LRIG3: variants seen among roughly 807,000 people sequenced by gnomAD.
The protein encoded by LRIG3 is leucine rich repeats and immunoglobulin like domains 3.
A neutral mutation model predicts 114.5 loss-of-function variants in LRIG3; 76 were observed. The ratio of observed to expected loss-of-function variants is 0.66; its 90% CI spans 0.55 to 0.80. The LOEUF (loss-of-function observed/expected upper bound fraction) is 0.80, where lower values mean the gene tolerates loss of function less well. Among genes scored for constraint, LRIG3 ranks in the 30% least tolerant of loss-of-function variants. The pLI is 0.00. For synonymous variants in LRIG3, 512 were observed against 519.8 expected (o/e 0.98, Z 0.20); for missense variants, 1,239 against 1,382.8 (o/e 0.90, Z 1.65).
intron 3 of LRIG3, among the ~76,000 whole-genome samples, chr12:58,912,368 C>T (rs970559437): frequency 5.9e-5 from 9 of 152,056 alleles, no homozygotes; most frequent in East Asian, 1.9e-4. Flanking sequence ...TAGTGGCGGA[C>T]GCCTGTAGTC....
intron 3 of LRIG3, among the ~76,000 whole-genome samples, chr12:58,898,859 A>G (rs559239826): frequency 4.3e-4 from 65 of 151,706 alleles, no homozygotes; most frequent in Middle Eastern, 3.4e-3. Context: ...GAGTTTCACC[A>G]TGTTGGCCAG....
intron 3 of LRIG3, 54 bp from the exon 4 acceptor site, chr12:58,890,850 G>A: frequency 6.5e-7 from 1 of 1,533,350 alleles, no homozygotes; most frequent in South Asian, 1.3e-5. Context: ...CAATCTGAAA[G>A]AAGAAAAATA....
rs558860963 is a variant in LRIG3 at position 58,881,085 on chromosome 12, C to T, written c.1481-184G>A. Among the ~76,000 whole-genome samples the T allele has an allele frequency of 8.5e-5, 13 of 152,316 alleles. No individual in the cohort carries two copies. In the South Asian group the frequency reaches 2.7e-3, roughly 32 times the overall value. Reference sequence around the variant, plus strand: ...CACTGGGAGAGTATTTATAAAGTAACTCATTCATCTCGAATACAGATGCAG... The same window carrying T: ...CACTGGGAGAGTATTTATAAAGTAATTCATTCATCTCGAATACAGATGCAG... On this transcript the variant is annotated intron_variant, in intron 12 of 18. Coordinates refer to ENST00000320743, the MANE Select transcript of LRIG3 (RefSeq NM_153377.5).
chr12:58,873,258 T>A (rs1870797518), intron 18 of LRIG3, among the ~76,000 whole-genome samples: 1 of 152,216 alleles, frequency 6.6e-6, no homozygotes, highest in Admixed American at 6.5e-5. Flanking sequence ...TGTAGCCAAA[T>A]ATTACTCAAT....
intron 3 of LRIG3, among the ~76,000 whole-genome samples, chr12:58,893,051 C>G (rs562872227): frequency 7.1e-4 from 108 of 152,318 alleles, no homozygotes; most frequent in African/African-American, 2.3e-3. Flanking sequence ...TGCCCCAGAA[C>G]AGAGGCCCTC....
chr12:58,885,816 A>C lies in LRIG3; in HGVS notation c.1244+15T>G. On this transcript the variant is annotated intron_variant, in intron 10 of 18. Coordinates refer to ENST00000320743, the MANE Select transcript of LRIG3 (RefSeq NM_153377.5). ...AGAGATTCTCTTTTAGGGTAACTAA[A>C]TTCTAGCTACTCACAGATGCTCCAA... is the stretch of plus-strand genomic sequence containing the variant. The C allele has an allele frequency of 1.3e-6, 2 of 1,538,208 alleles. No homozygotes were observed. The highest frequency in any genetic ancestry group is 1.8e-6 in the Non-Finnish European group (2 of 1,131,724).
At chr12:58,895,566 G>A (rs544105899) in intron 3 of LRIG3, among the ~76,000 whole-genome samples, 57 of 152,280 alleles carry the variant, frequency 3.7e-4, no homozygotes, top group Non-Finnish European at 7.5e-4. Flanking sequence ...GAGTGAGGCC[G>A]CCGGGAGATG....
intron 3 of LRIG3, among the ~76,000 whole-genome samples, chr12:58,905,435 G>A (rs1344141044): frequency 6.6e-6 from 1 of 152,100 alleles, no homozygotes; most frequent in Non-Finnish European, 1.5e-5. Context: ...ATATTAAGAC[G>A]TTTATGTGTT....
chr12:58,897,268 G>A (rs1029144569), intron 3 of LRIG3, among the ~76,000 whole-genome samples: 3 of 152,204 alleles, frequency 2.0e-5, no homozygotes, highest in African/African-American at 4.8e-5. Flanking sequence ...ACCAGCAAAC[G>A]AGTGTTGGTG....
chr12:58,876,744 T>A (rs1319831962), intron 15 of LRIG3, 141 bp from the exon 16 acceptor site: 2 of 819,818 alleles, frequency 2.4e-6, no homozygotes, highest in East Asian at 5.4e-5. Flanking sequence ...CCATCTCGAT[T>A]GTACAGTATT....
Position 58,880,579 on chromosome 12 carries a change from A to G in LRIG3, c.1801+2T>C. 1.2e-6 allele frequency: 2 copies of G among 1,609,152 alleles called. No individual in the cohort carries two copies. Among genetic ancestry groups the G allele is most frequent in the Non-Finnish European group, 1.7e-6 (2 of 1,175,882 alleles). On this transcript the variant is annotated splice_donor_variant, in intron 13 of 18. Coordinates refer to ENST00000320743, the MANE Select transcript of LRIG3 (RefSeq NM_153377.5). LOFTEE classifies it high-confidence loss of function. ...TGCTAAAGGAAAAGTCAGATCACAT[A>G]CTATTTACTGTAAGCTTGGCTTTGA...
chr12:58,879,235 A>C (rs1483542667), intron 13 of LRIG3, 130 bp from the exon 14 acceptor site: 1 of 1,092,210 alleles, frequency 9.2e-7, no homozygotes. Flanking sequence ...GCAGGGGTTA[A>C]TTCCAATTTC....
Position 58,920,274 on chromosome 12 carries a change from GC to G in LRIG3, c.-40del. 3 of 1,298,890 alleles carry G rather than the reference GC, an allele frequency of 2.3e-6. No individual in the cohort carries two copies. The highest frequency in any genetic ancestry group is 2.9e-6 in the Non-Finnish European group (3 of 1,024,234). 80.5% of individuals were successfully genotyped at this position (1,298,890 alleles called of 1,614,324 possible). On this transcript the variant is annotated 5_prime_UTR_variant, in exon 1 of 19. Coordinates refer to ENST00000320743, the MANE Select transcript of LRIG3 (RefSeq NM_153377.5). Reference sequence around the variant, plus strand: ...CCTAGGTCTCTACCCGAAGCTCCCAGCCGGCGCGCGCTCGGGGCCCGGCACA... The same window carrying G: ...CCTAGGTCTCTACCCGAAGCTCCCAGCGGCGCGCGCTCGGGGCCCGGCACA...
chr12:58,872,908 T>C, intron 18 of LRIG3, 92 bp from the exon 19 acceptor site: 2 of 1,485,650 alleles, frequency 1.3e-6, no homozygotes, highest in Non-Finnish European at 1.8e-6. Context: ...TCTTACCCCA[T>C]GAATATGAGT....
chr12:58,911,309 A>G (rs978225087), intron 3 of LRIG3, among the ~76,000 whole-genome samples: 7 of 152,150 alleles, frequency 4.6e-5, no homozygotes, highest in African/African-American at 1.7e-4. Flanking sequence ...TCCTATAGCT[A>G]AGAGAAGACA....
Position 58,874,349 on chromosome 12 carries a change from GTAACA to G in LRIG3, c.2840-24_2840-20del, listed in dbSNP as rs763702006. On this transcript the variant is annotated intron_variant, in intron 17 of 18. Coordinates refer to ENST00000320743, the MANE Select transcript of LRIG3 (RefSeq NM_153377.5). ...CTGCAACCTTTTTAATATGGGGGCA[GTAACA>G]GAAGGAGATTACAGTTAGCACATCT... The G allele has an allele frequency of 5.6e-6, 9 of 1,606,872 alleles. No homozygotes were observed. The South Asian group carries it at 1.0e-4, about 18-fold the overall frequency.
intron 3 of LRIG3, among the ~76,000 whole-genome samples, chr12:58,910,196 G>C (rs1872224490): frequency 6.6e-6 from 1 of 152,198 alleles, no homozygotes; most frequent in Admixed American, 6.5e-5. Flanking sequence ...ACCTTTATCA[G>C]TAATTCTAGA....
chr12:58,913,982 A>C lies in LRIG3; in HGVS notation c.383T>G (p.Leu128Trp). 1 of 1,610,896 alleles carries C rather than the reference A, an allele frequency of 6.2e-7. No individual in the cohort carries two copies. The highest frequency in any genetic ancestry group is 8.5e-7 in the Non-Finnish European group (1 of 1,178,684). ...AGGAATTCTGCTGATATTCACTTAC[A>C]AGGAGAGAAGTGTAATATTTGCCGA... ...PVSANITLLS[L>W]AGNRIVEILP... Residue 128 changes from leucine (L) to tryptophan (W), a missense_variant and splice_region_variant, in exon 3 of 19, where the codon TTG (leucine) becomes TGG (tryptophan). Physicochemically the swap from Leu to Trp is moderately conservative, Grantham distance 61. Coordinates refer to ENST00000320743, the MANE Select transcript of LRIG3 (RefSeq NM_153377.5).
chr12:58,914,338 T>C lies in LRIG3; in HGVS notation c.237-2A>G. On this transcript the variant is annotated splice_acceptor_variant, in intron 1 of 18. Coordinates refer to ENST00000320743, the MANE Select transcript of LRIG3 (RefSeq NM_153377.5). LOFTEE classifies it high-confidence loss of function. ...GATAATCTGTTGTGACTTAAGTCCC[T>C]ATAAGAAAACAAAAATAAAATTATA... 1 of 1,610,394 alleles carries C rather than the reference T, an allele frequency of 6.2e-7. No individual in the cohort carries two copies. The highest frequency in any genetic ancestry group is 8.5e-7 in the Non-Finnish European group (1 of 1,177,234).
Sources: gnomAD v4.1 joint callset for allele counts (sites outside exome capture counted in the v4.1 genomes callset) on GRCh38, gnomAD v4.1.1 for gene constraint, MANE v1.5 for transcripts, NCBI Gene and HGNC (gene_info 2026-07-23, HGNC 2026-07-21) for gene names.